CPNE8: variants seen among roughly 807,000 people sequenced by gnomAD.
The protein encoded by CPNE8 is copine-8.
A neutral mutation model predicts 81.5 loss-of-function variants in CPNE8; 45 were observed. The observed-to-expected ratio is 0.55, with a 90% CI of 0.44 to 0.71. The LOEUF (loss-of-function observed/expected upper bound fraction) is 0.71. CPNE8 is among the 30% of genes least tolerant of loss of function. CPNE8 has a pLI of 0.00. For synonymous variants in CPNE8, 252 were observed against 226.3 expected (o/e 1.11, Z -1.02); for missense variants, 594 against 672.1 (o/e 0.88, Z 1.28).
chr12:38,764,134 G>A (rs1478549840), intron 8 of CPNE8, among the ~76,000 whole-genome samples: 1 of 152,112 alleles, frequency 6.6e-6, no homozygotes, highest in Admixed American at 6.6e-5. Flanking sequence ...TGACTCACCT[G>A]AAGCAATTTA....
chr12:38,764,955 A>G (rs1424565902), intron 8 of CPNE8, among the ~76,000 whole-genome samples: 2 of 152,144 alleles, frequency 1.3e-5, no homozygotes, highest in Non-Finnish European at 2.9e-5. Flanking sequence ...TCAACTGTCT[A>G]CTGACTTTTT....
At chr12:38,877,523 T>C (rs1944084953) in intron 1 of CPNE8, among the ~76,000 whole-genome samples, 1 of 152,080 alleles carries the variant, frequency 6.6e-6, no homozygotes. Flanking sequence ...CATGTCTTTC[T>C]ATTCTGCAAA....
At chr12:38,718,404 G>A (rs1940463129) in intron 13 of CPNE8, among the ~76,000 whole-genome samples, 1 of 152,190 alleles carries the variant, frequency 6.6e-6, no homozygotes, top group Non-Finnish European at 1.5e-5. Flanking sequence ...AAAAAGTTCT[G>A]AAAGGTCTGT....
intron 14 of CPNE8, among the ~76,000 whole-genome samples, chr12:38,696,707 G>A (rs1038425547): frequency 8.5e-5 from 13 of 152,108 alleles, no homozygotes; most frequent in Non-Finnish European, 1.6e-4. Flanking sequence ...ATTTTTAAGA[G>A]TTTATTGAGA....
intron 1 of CPNE8, among the ~76,000 whole-genome samples, chr12:38,880,407 C>A (rs1232656455): frequency 1.3e-5 from 2 of 152,106 alleles, no homozygotes; most frequent in African/African-American, 2.4e-5. Flanking sequence ...ATCTAAAGCA[C>A]CATCTTTTTT....
At chr12:38,681,602 TTAAG>T (rs1939410868) in intron 16 of CPNE8, among the ~76,000 whole-genome samples, 1 of 152,086 alleles carries the variant, frequency 6.6e-6, no homozygotes. Context: ...TCAAATGACT[TTAAG>T]TAAAGGAGCT....
At chr12:38,774,940 T>C (rs1941895807) in intron 7 of CPNE8, among the ~76,000 whole-genome samples, 2 of 152,136 alleles carry the variant, frequency 1.3e-5, no homozygotes, top group African/African-American at 4.8e-5. Flanking sequence ...TTTCCACTCA[T>C]CTGTTATTAT....
chr12:38,848,987 T>G (rs943922864), intron 3 of CPNE8, among the ~76,000 whole-genome samples: 24 of 152,320 alleles, frequency 1.6e-4, no homozygotes, highest in African/African-American at 5.0e-4. Context: ...TAAATTATTT[T>G]CCTAACCTTG....
At chr12:38,784,810 A>C (rs1942140411) in intron 6 of CPNE8, among the ~76,000 whole-genome samples, 1 of 152,202 alleles carries the variant, frequency 6.6e-6, no homozygotes, top group Admixed American at 6.5e-5. Flanking sequence ...ATAAGACATA[A>C]AGAATTTCTC....
At chr12:38,729,278 AC>A (rs1363670942) in intron 11 of CPNE8, among the ~76,000 whole-genome samples, 1 of 152,016 alleles carries the variant, frequency 6.6e-6, no homozygotes, top group Non-Finnish European at 1.5e-5. Flanking sequence ...TCCTTGAAAG[AC>A]CCAGCTAAAC....
At chr12:38,906,733 C>G (rs566633556), upstream of CPNE8, 43 of 431,600 alleles carry the variant, frequency 1.0e-4, no homozygotes, top group African/African-American at 9.0e-4. Context: ...CCTTTGTTCC[C>G]CGCGCCTTCC....
intron 6 of CPNE8, among the ~76,000 whole-genome samples, chr12:38,783,053 A>G (rs975774713): frequency 6.6e-6 from 1 of 152,162 alleles, no homozygotes; most frequent in Non-Finnish European, 1.5e-5. Context: ...AATTTTAAAG[A>G]TTGCTTCTTT....
chr12:38,762,394 A>T lies in CPNE8; in HGVS notation c.576-178T>A, dbSNP rs1941591744. ...AAACCTGAAAGATCACCTCACCATA[A>T]CCTACTTTGCAATAAATTTACCAAA... On this transcript the variant is annotated intron_variant, in intron 8 of 19. Transcript: ENST00000331366. Among the ~76,000 whole-genome samples, 3 of 152,226 alleles carry T rather than the reference A, an allele frequency of 2.0e-5. No homozygotes were observed. The South Asian group carries it at 6.2e-4, about 31-fold the overall frequency.
intron 4 of CPNE8, among the ~76,000 whole-genome samples, chr12:38,843,599 G>A (rs1943507910): frequency 6.6e-6 from 1 of 152,068 alleles, no homozygotes; most frequent in Non-Finnish European, 1.5e-5. Flanking sequence ...AGTCCACCCT[G>A]GGGCTGTCAA....
In CPNE8 at chr12:38,778,896, C is replaced by G. The variant is rs546988109; in HGVS notation, c.408-2595G>C. On this transcript the variant is annotated intron_variant, in intron 6 of 19. Transcript: ENST00000331366. ...TTCTTGTTTCCACCATGTATTTACT[C>G]TTAACCAGGGTCATTGCACATGTCA... is the stretch of plus-strand genomic sequence containing the variant. Among the ~76,000 whole-genome samples, 15 of 152,268 alleles carry G rather than the reference C, an allele frequency of 9.9e-5. No homozygotes were observed. The South Asian group carries it at 3.1e-3, about 32-fold the overall frequency.
chr12:38,690,455 T>C (rs1939648729), intron 15 of CPNE8, among the ~76,000 whole-genome samples: 1 of 152,190 alleles, frequency 6.6e-6, no homozygotes, highest in Non-Finnish European at 1.5e-5. Context: ...AGTTGAGGCA[T>C]TATCATCAAC....
At chr12:38,689,542 A>ACACCT (rs1338236385) in intron 15 of CPNE8, among the ~76,000 whole-genome samples, 5 of 152,226 alleles carry the variant, frequency 3.3e-5, no homozygotes, top group African/African-American at 1.2e-4. Flanking sequence ...CAATGAACAA[A>ACACCT]CACCTATTGA....
At chr12:38,739,168 G>A (rs1941029532) in intron 10 of CPNE8, among the ~76,000 whole-genome samples, 1 of 152,044 alleles carries the variant, frequency 6.6e-6, no homozygotes, top group Non-Finnish European at 1.5e-5. Context: ...TTTTGTGATA[G>A]GCTTCAATAA....
chr12:38,727,799 T>A (rs1443557072), intron 11 of CPNE8, among the ~76,000 whole-genome samples: 1 of 152,108 alleles, frequency 6.6e-6, no homozygotes, highest in Non-Finnish European at 1.5e-5. Flanking sequence ...TTGCTGGAAA[T>A]CTAGAAGCCC....
Sources: allele counts gnomAD v4.1 joint callset (sites outside exome capture counted in the v4.1 genomes callset), GRCh38; gene constraint gnomAD v4.1.1; transcripts MANE v1.5; gene names NCBI Gene and HGNC (gene_info 2026-07-23, HGNC 2026-07-21).